The following ABL1 variants were observed in gnomAD, a reference collection of about 807,000 sequenced individuals.
ABL1 encodes ABL proto-oncogene 1, non-receptor tyrosine kinase.
Under a neutral mutation model 94.7 loss-of-function variants are expected in ABL1, and 11 were observed. The ratio of observed to expected loss-of-function variants is 0.12; its 90% CI spans 0.07 to 0.19. ABL1 has a LOEUF of 0.19. Among genes scored for constraint, ABL1 ranks in the 10% least tolerant of loss-of-function variants. The pLI, the probability that ABL1 is intolerant of heterozygous loss-of-function variation, is 1.00. For synonymous variants in ABL1, 656 were observed against 622.4 expected (o/e 1.05, Z -0.80); for missense variants, 1,082 against 1,489.4 (o/e 0.73, Z 4.50).
chr9:130,733,288 A>G (rs1831689574), intron 1 of ABL1, among the ~76,000 whole-genome samples: 1 of 151,786 alleles, frequency 6.6e-6, no homozygotes, highest in Non-Finnish European at 1.5e-5. Flanking sequence ...AAAACAAACA[A>G]CTCCCAGATT....
upstream of ABL1, chr9:130,834,001 T>G (rs1337828933): frequency 8.8e-6 from 4 of 456,036 alleles, no homozygotes; most frequent in Non-Finnish European, 1.8e-5. Context: ...GTCAGCATCA[T>G]CCACTGGTCG....
intron 1 of ABL1, among the ~76,000 whole-genome samples, chr9:130,786,195 C>T (rs1419776414): frequency 6.6e-6 from 1 of 152,194 alleles, no homozygotes; most frequent in African/African-American, 2.4e-5. Flanking sequence ...AGGGAAACAT[C>T]TGAGGATTGG....
Position 130,873,171 on chromosome 9 carries a change from T to C in ABL1, c.1085+134T>C, listed in dbSNP as rs553858797. The C allele has an allele frequency of 3.2e-4, 302 of 953,858 alleles. No homozygotes were observed. In the South Asian group the frequency reaches 5.1e-3, roughly 16 times the overall value. The allele number at this position is 953,858 out of a possible 1,614,324, so 59.1% of individuals were successfully genotyped here. A position where few individuals can be genotyped will look rare whatever the true frequency, so the allele number is the denominator to read the frequency against. On this transcript the variant is annotated intron_variant, in intron 6 of 10. Coordinates refer to ENST00000318560, the MANE Select transcript of ABL1 (RefSeq NM_005157.6). Reference sequence around the variant, plus strand: ...TCAGTGCTGGCAACACATTGGACCTTGGAACAAAGGCAAACACTAGGCTCC... The same window carrying C: ...TCAGTGCTGGCAACACATTGGACCTCGGAACAAAGGCAAACACTAGGCTCC...
intron 4 of ABL1, among the ~76,000 whole-genome samples, chr9:130,871,913 G>A (rs576699626): frequency 6.6e-6 from 1 of 152,262 alleles, no homozygotes; most frequent in Non-Finnish European, 1.5e-5. Flanking sequence ...TTGCCTGGGG[G>A]AGAATTGAAA....
chr9:130,776,375 C>T (rs1229520029), intron 1 of ABL1, among the ~76,000 whole-genome samples: 1 of 152,186 alleles, frequency 6.6e-6, no homozygotes, highest in Admixed American at 6.5e-5. Context: ...GCAGGCAGAT[C>T]ACCTGACGTC....
intron 1 of ABL1, among the ~76,000 whole-genome samples, chr9:130,739,694 T>G (rs996770949): frequency 6.6e-6 from 1 of 152,206 alleles, no homozygotes; most frequent in Non-Finnish European, 1.5e-5. Flanking sequence ...TTTTATAAGT[T>G]GATCCAACCA....
intron 1 of ABL1, among the ~76,000 whole-genome samples, chr9:130,733,422 G>A (rs1462003432): frequency 6.6e-6 from 1 of 152,002 alleles, no homozygotes; most frequent in African/African-American, 2.4e-5. Context: ...TCTTGTGGAT[G>A]TGTAAAGTTA....
At chr9:130,878,684 C>CT in intron 8 of ABL1, 117 bp downstream of exon 8, 1 of 1,255,730 alleles carries the variant, frequency 8.0e-7, no homozygotes, top group Admixed American at 2.2e-5. Flanking sequence ...CATTCCAGTT[C>CT]TTCAGATGCA....
intron 1 of ABL1, among the ~76,000 whole-genome samples, chr9:130,784,038 C>T (rs35058271): frequency 1.1e-3 from 175 of 152,196 alleles, no homozygotes; most frequent in African/African-American, 4.1e-3. Context: ...AACAGTAAGT[C>T]CCATCTTGCT....
At chr9:130,789,919 A>G (rs1016033933) in intron 1 of ABL1, among the ~76,000 whole-genome samples, 3 of 152,232 alleles carry the variant, frequency 2.0e-5, no homozygotes, top group Non-Finnish European at 4.4e-5. Flanking sequence ...GCTCAGAGAT[A>G]TAGTGAGAAG....
chr9:130,844,144 C>T (rs1830720967), intron 1 of ABL1, among the ~76,000 whole-genome samples: 1 of 152,178 alleles, frequency 6.6e-6, no homozygotes, highest in Admixed American at 6.5e-5. Context: ...CGGCTGGCAG[C>T]CATCTCTAAG....
intron 1 of ABL1, among the ~76,000 whole-genome samples, chr9:130,738,181 G>A (rs949339383): frequency 1.3e-5 from 2 of 152,022 alleles, no homozygotes; most frequent in Non-Finnish European, 2.9e-5. Flanking sequence ...TAAGACCCGA[G>A]ACCAAGGAAA....
At position 130,734,558 on chromosome 9, in the gene ABL1, G is replaced by A. The variant is rs1266878757; in HGVS notation, c.136+20103G>A. Among the ~76,000 whole-genome samples the A allele has an allele frequency of 5.7e-5, 8 of 141,472 alleles. No homozygotes were observed. In the East Asian group the frequency reaches 8.2e-4, roughly 15 times the overall value. 92.8% of individuals were successfully genotyped at this position (141,472 alleles called of 152,430 possible). On this transcript the variant is annotated intron_variant, in intron 1 of 10. Coordinates refer to the ABL1 transcript ENST00000372348. The stretch of plus-strand genomic sequence containing the variant: ...TTTTTTTGAGACAGGGTCTCACTCC[G>A]TCACCCAGGCTGGAGTGCACTGGCA...
intron 1 of ABL1, among the ~76,000 whole-genome samples, chr9:130,743,340 T>C (rs948886407): frequency 2.0e-5 from 3 of 152,210 alleles, no homozygotes; most frequent in Non-Finnish European, 4.4e-5. Context: ...CCCAAAGTGC[T>C]GGGATTACAG....
chr9:130,871,978 C>T, intron 4 of ABL1, 151 bp from the exon 5 acceptor site: 1 of 640,666 alleles, frequency 1.6e-6, no homozygotes, highest in Non-Finnish European at 2.7e-6. Context: ...GGTCAGCTGT[C>T]ATGGAACCTG....
exon 1 of ABL1, chr9:130,714,230 T>C (rs572791005): frequency 2.3e-6 from 3 of 1,295,386 alleles, no homozygotes; most frequent in Admixed American, 3.2e-5. Flanking sequence ...GAATGTGAAA[T>C]CCCACGTATA....
intron 1 of ABL1, among the ~76,000 whole-genome samples, chr9:130,828,799 T>C (rs754014279): frequency 1.4e-4 from 22 of 152,108 alleles, no homozygotes; most frequent in South Asian, 6.2e-4. Context: ...AAAAAAATAA[T>C]GATAATAACG....
rs1453608288 is a variant in ABL1, at chr9:130,859,687, T to C, written c.550-3076T>C. Among the ~76,000 whole-genome samples, 418 of 113,538 alleles carry C rather than the reference T, an allele frequency of 3.7e-3. 18 individuals carry two copies. Among genetic ancestry groups the C allele is most frequent in the African/African-American group, 0.017 (389 of 23,558 alleles). The allele number at this position is 113,538 out of a possible 152,430, so 74.5% of individuals were successfully genotyped here. A position where few individuals can be genotyped will look rare whatever the true frequency, so the allele number is the denominator to read the frequency against. ...TCTTTTCTTTCTTTCCTTTTTTTTT[T>C]TTTTTTTTTTTTTTTTTTTGAGACA... On this transcript the variant is annotated intron_variant, in intron 3 of 10. Transcript: ENST00000318560.
intron 1 of ABL1, among the ~76,000 whole-genome samples, chr9:130,811,243 C>T (rs761502966): frequency 6.6e-6 from 1 of 152,104 alleles, no homozygotes; most frequent in South Asian, 2.1e-4. Flanking sequence ...GAGCTATGAT[C>T]GCACCACTGC....
Sources: gnomAD v4.1 joint callset for allele counts (sites outside exome capture counted in the v4.1 genomes callset) on GRCh38, gnomAD v4.1.1 for gene constraint, MANE v1.5 for transcripts, NCBI Gene and HGNC (gene_info 2026-07-23, HGNC 2026-07-21) for gene names.